The following CFAP299 variants were observed in gnomAD, a reference collection of about 807,000 sequenced individuals.
CFAP299 encodes cilia and flagella associated protein 299, also known as cilia- and flagella-associated protein 299.
In CFAP299, 21 loss-of-function variants were observed where a neutral mutation model predicts 27.0. That is an observed-to-expected ratio of 0.78 (90% confidence interval 0.55 to 1.12). The LOEUF (loss-of-function observed/expected upper bound fraction) is 1.12, where lower values mean the gene tolerates loss of function less well. Ranked by LOEUF, CFAP299 falls within the 50% of genes most tolerant of loss-of-function variation. The pLI is 0.00. For synonymous variants in CFAP299, 104 were observed against 98.1 expected (o/e 1.06, Z -0.36); for missense variants, 310 against 276.6 (o/e 1.12, Z -0.86).
chr4:80,491,625 T>C (rs1731140094), intron 2 of CFAP299, among the ~76,000 whole-genome samples: 1 of 152,160 alleles, frequency 6.6e-6, no homozygotes, highest in South Asian at 2.1e-4. Context: ...CTCTGATTTT[T>C]TTTTTCTTGC....
At chr4:80,920,867 C>G (rs1353930261) in intron 4 of CFAP299, among the ~76,000 whole-genome samples, 3 of 152,034 alleles carry the variant, frequency 2.0e-5, no homozygotes, top group Non-Finnish European at 4.4e-5. Flanking sequence ...TAAAATTAAG[C>G]CAAATTTGCC....
chr4:80,875,787 T>A (rs1010858982), intron 4 of CFAP299, among the ~76,000 whole-genome samples: 3 of 152,148 alleles, frequency 2.0e-5, no homozygotes, highest in African/African-American at 7.2e-5. Flanking sequence ...CATATAGTGA[T>A]ACCACCATCA....
At chr4:80,473,001 T>C (rs573602600) in intron 2 of CFAP299, among the ~76,000 whole-genome samples, 1 of 152,270 alleles carries the variant, frequency 6.6e-6, no homozygotes, top group East Asian at 1.9e-4. Flanking sequence ...GGCTAGTTAG[T>C]AGGGGCTTTG....
chr4:80,897,489 A>G (rs889329025), intron 4 of CFAP299, among the ~76,000 whole-genome samples: 5 of 152,218 alleles, frequency 3.3e-5, no homozygotes, highest in Non-Finnish European at 5.9e-5. Flanking sequence ...TTTAATAAGC[A>G]TATAAGTAGT....
intron 2 of CFAP299, chr4:80,387,716 G>A: frequency 1.3e-6 from 2 of 1,581,400 alleles, no homozygotes; most frequent in Non-Finnish European, 1.7e-6. Context: ...CATTGGAAGG[G>A]CTTCTCACCT....
intron 4 of CFAP299, 132 bp downstream of exon 4, chr4:80,870,267 A>G (rs946947563): frequency 7.7e-7 from 1 of 1,296,190 alleles, no homozygotes; most frequent in African/African-American, 1.5e-5. Context: ...ATATGAAAAT[A>G]ACTAAATCTT....
At chr4:80,566,533 G>C (rs1329232312) in intron 2 of CFAP299, among the ~76,000 whole-genome samples, 1 of 152,026 alleles carries the variant, frequency 6.6e-6, no homozygotes, top group Non-Finnish European at 1.5e-5. Flanking sequence ...TCAAAAATTA[G>C]AAAAACTCAG....
chr4:80,394,865 T>C (rs1053682568), intron 2 of CFAP299, among the ~76,000 whole-genome samples: 4 of 152,126 alleles, frequency 2.6e-5, no homozygotes, highest in Non-Finnish European at 5.9e-5. Context: ...ATGTGATACC[T>C]CCAGCTTTGC....
At chr4:80,531,827 C>T (rs908683865) in intron 2 of CFAP299, among the ~76,000 whole-genome samples, 5 of 148,116 alleles carry the variant, frequency 3.4e-5, no homozygotes, top group African/African-American at 1.3e-4. Flanking sequence ...GATCTCGGCT[C>T]ACTGCAACCT....
rs371089418 is a variant in CFAP299, at chr4:80,532,187, A to T, written c.243-50906A>T. Among the ~76,000 whole-genome samples the T allele has an allele frequency of 6.6e-5, 10 of 152,294 alleles. No individual in the cohort carries two copies. In the East Asian group the frequency reaches 7.7e-4, roughly 12 times the overall value. On this transcript the variant is annotated intron_variant, in intron 2 of 5. Coordinates refer to ENST00000358105, the MANE Select transcript of CFAP299 (RefSeq NM_152770.3). ...GCCATAGAGAAGCAAAATCCATCTT[A>T]AAATCTCAAGTATTTTATGTATTGT... is the stretch of plus-strand genomic sequence containing the variant.
chr4:80,800,670 A>C (rs1284927319), intron 3 of CFAP299, among the ~76,000 whole-genome samples: 140 of 112,912 alleles, frequency 1.2e-3, no homozygotes, highest in African/African-American at 4.6e-3. Flanking sequence ...ATATATTAAT[A>C]TAAATATATG....
chr4:80,518,875 A>G (rs1200659048), intron 2 of CFAP299, among the ~76,000 whole-genome samples: 1 of 152,162 alleles, frequency 6.6e-6, no homozygotes, highest in Non-Finnish European at 1.5e-5. Flanking sequence ...TAGAGAGGAC[A>G]TATGGGTGGG....
intron 3 of CFAP299, among the ~76,000 whole-genome samples, chr4:80,850,112 T>A (rs926130167): frequency 6.6e-6 from 1 of 152,098 alleles, no homozygotes; most frequent in African/African-American, 2.4e-5. Context: ...AGCTAGGGAA[T>A]AGATACTTCA....
intron 2 of CFAP299, among the ~76,000 whole-genome samples, chr4:80,468,527 A>C (rs1254448334): frequency 6.6e-6 from 1 of 151,920 alleles, no homozygotes; most frequent in Non-Finnish European, 1.5e-5. Context: ...CCTGGCCTAT[A>C]ATGTTGTTTT....
At position 80,799,643 on chromosome 4, in the gene CFAP299, T is replaced by C. The variant is rs1197293390; in HGVS notation, c.334-70350T>C. On this transcript the variant is annotated intron_variant, in intron 3 of 5. Coordinates refer to ENST00000358105, the MANE Select transcript of CFAP299 (RefSeq NM_152770.3). ...ATTTATAAATATATAATATATAAAA[T>C]ATATATTTTATATATTATATTTTAT... 1.3e-4 allele frequency among the ~76,000 whole-genome samples: 3 copies of C among 22,782 alleles called. 1 individual carries two copies. Among genetic ancestry groups the C allele is most frequent in the African/African-American group, 6.4e-4 (3 of 4,706 alleles). 14.9% of individuals were successfully genotyped at this position (22,782 alleles called of 152,430 possible).
intron 3 of CFAP299, among the ~76,000 whole-genome samples, chr4:80,620,913 G>A (rs907658162): frequency 2.9e-4 from 44 of 152,114 alleles, no homozygotes; most frequent in African/African-American, 1.0e-3. Context: ...AATAACATAA[G>A]TATATAGAGT....
At chr4:80,547,605 A>C (rs1373826232) in intron 2 of CFAP299, among the ~76,000 whole-genome samples, 1 of 152,166 alleles carries the variant, frequency 6.6e-6, no homozygotes, top group African/African-American at 2.4e-5. Context: ...GGAATGAGAG[A>C]AAGTATTGGC....
At chr4:80,704,191 G>C (rs151288463) in intron 3 of CFAP299, among the ~76,000 whole-genome samples, 2,502 of 151,660 alleles carry the variant, frequency 0.016, 37 homozygotes, top group Non-Finnish European at 0.02. Context: ...ATATGACAAG[G>C]CTGGAAAGAT....
intron 3 of CFAP299, among the ~76,000 whole-genome samples, chr4:80,710,848 T>C (rs890708356): frequency 1.3e-5 from 2 of 152,170 alleles, no homozygotes; most frequent in Admixed American, 6.6e-5. Flanking sequence ...TCCTTTTTTG[T>C]ACCTGGGACT....
Sources: allele counts gnomAD v4.1 joint callset (sites outside exome capture counted in the v4.1 genomes callset), GRCh38; gene constraint gnomAD v4.1.1; transcripts MANE v1.5; gene names NCBI Gene and HGNC (gene_info 2026-07-23, HGNC 2026-07-21).